The following CFAP299 variants were observed in gnomAD, a reference collection of about 807,000 sequenced individuals.
CFAP299 encodes cilia and flagella associated protein 299, also known as cilia- and flagella-associated protein 299.
A neutral mutation model predicts 27.0 loss-of-function variants in CFAP299; 21 were observed. That is an observed-to-expected ratio of 0.78 (90% CI 0.55 to 1.12). CFAP299 has a LOEUF of 1.12. Among genes scored for constraint, CFAP299 ranks in the 50% most tolerant of loss-of-function variants. The pLI is 0.00. For missense variants in CFAP299, 310 were observed against 276.6 expected (o/e 1.12, Z -0.86); for synonymous variants, 104 against 98.1 (o/e 1.06, Z -0.36).
chr4:80,633,076 A>G (rs767096409), intron 3 of CFAP299, among the ~76,000 whole-genome samples: 4 of 152,210 alleles, frequency 2.6e-5, no homozygotes, highest in Non-Finnish European at 5.9e-5. Flanking sequence ...TTAAATTTCT[A>G]TCTTATCACC....
intron 5 of CFAP299, among the ~76,000 whole-genome samples, chr4:80,956,305 T>C (rs537017456): frequency 6.6e-6 from 1 of 152,314 alleles, no homozygotes; most frequent in Admixed American, 6.5e-5. Flanking sequence ...CATGCCCTAT[T>C]TATTTTGCAT....
rs577187585 is a variant in CFAP299, at chr4:80,413,306, G to A, written c.242+50422G>A. 4.6e-4 allele frequency among the ~76,000 whole-genome samples: 70 copies of A among 152,356 alleles called. 1 individual carries two copies. Among genetic ancestry groups the A allele is most frequent in the African/African-American group, 1.6e-3 (68 of 41,586 alleles). ...GCCTTACCCTTAGGTGATTGTGAAA[G>A]CAGCAGGCATCCCAGAGAGGGATAA... On this transcript the variant is annotated intron_variant, in intron 2 of 5. Coordinates refer to ENST00000358105, the MANE Select transcript of CFAP299 (RefSeq NM_152770.3).
intron 3 of CFAP299, among the ~76,000 whole-genome samples, chr4:80,714,030 T>C (rs950943084): frequency 6.6e-6 from 1 of 152,156 alleles, no homozygotes; most frequent in African/African-American, 2.4e-5. Context: ...TATATATATG[T>C]ATAGCTTCAG....
chr4:80,630,038 G>A (rs1013845777), intron 3 of CFAP299, among the ~76,000 whole-genome samples: 1 of 151,918 alleles, frequency 6.6e-6, no homozygotes, highest in South Asian at 2.1e-4. Context: ...GAGAAAATTC[G>A]TGAACTGATC....
At chr4:80,501,694 T>C (rs1359872115) in intron 2 of CFAP299, among the ~76,000 whole-genome samples, 1 of 151,576 alleles carries the variant, frequency 6.6e-6, no homozygotes, top group Non-Finnish European at 1.5e-5. Context: ...TCTCAACATT[T>C]GTAAACACAG....
chr4:80,441,986 C>A (rs371320720), intron 2 of CFAP299, among the ~76,000 whole-genome samples: 10 of 152,238 alleles, frequency 6.6e-5, no homozygotes, highest in East Asian at 5.8e-4. Flanking sequence ...GTAAAGGGAT[C>A]AATGCAACAA....
chr4:80,821,586 C>T lies in CFAP299; in HGVS notation c.334-48407C>T, dbSNP rs1729709366. Among the ~76,000 whole-genome samples, 6 of 152,120 alleles carry T rather than the reference C, an allele frequency of 3.9e-5. No homozygotes were observed. The South Asian group carries it at 1.2e-3, about 32-fold the overall frequency. On this transcript the variant is annotated intron_variant, in intron 3 of 5. Transcript: ENST00000358105. ...ACAGCCTCTCCATGTGAAGTCTTGT[C>T]CAAGTCAAACAAGTAGCAATTTTAA...
chr4:80,381,136 T>C (rs963649698), intron 2 of CFAP299, among the ~76,000 whole-genome samples: 4 of 152,212 alleles, frequency 2.6e-5, no homozygotes, highest in African/African-American at 9.6e-5. Context: ...CCATATCTAC[T>C]TCTTATTGTT....
At chr4:80,686,142 T>A (rs1371006410) in intron 3 of CFAP299, among the ~76,000 whole-genome samples, 1 of 151,706 alleles carries the variant, frequency 6.6e-6, no homozygotes, top group African/African-American at 2.4e-5. Flanking sequence ...AAAAAAAAAA[T>A]TAATGCTATT....
At chr4:80,549,053 T>C (rs564915435) in intron 2 of CFAP299, among the ~76,000 whole-genome samples, 1 of 152,178 alleles carries the variant, frequency 6.6e-6, no homozygotes, top group Non-Finnish European at 1.5e-5. Context: ...AGGAGAGTAG[T>C]GAGAGGAAGA....
At position 80,493,799 on chromosome 4, in the gene CFAP299, C is replaced by T. The variant is rs534556723; in HGVS notation, c.243-89294C>T. ...TTTTTTTTTTTTTGAGACGGAGTCT[C>T]GCTCTGTCGCCCAGGCCAGACTGCG... is the stretch of plus-strand genomic sequence containing the variant. On this transcript the variant is annotated intron_variant, in intron 2 of 5. Transcript: ENST00000358105. Among the ~76,000 whole-genome samples the T allele has an allele frequency of 7.5e-5, 8 of 106,598 alleles. No individual in the cohort carries two copies. In the East Asian group the frequency reaches 9.5e-4, roughly 13 times the overall value. The allele number at this position is 106,598 out of a possible 152,430, so 69.9% of individuals were successfully genotyped here. A position where few individuals can be genotyped will look rare whatever the true frequency, so the allele number is the denominator to read the frequency against.
At chr4:80,687,221 C>G (rs1319471651) in intron 3 of CFAP299, among the ~76,000 whole-genome samples, 1 of 152,146 alleles carries the variant, frequency 6.6e-6, no homozygotes, top group African/African-American at 2.4e-5. Context: ...ATGTGCTTCT[C>G]TCTTCTTTCT....
intron 2 of CFAP299, among the ~76,000 whole-genome samples, chr4:80,473,138 C>T (rs758621266): frequency 3.3e-5 from 5 of 152,032 alleles, no homozygotes; most frequent in Non-Finnish European, 7.4e-5. Flanking sequence ...AAGGGAAATT[C>T]AGAGTGCCCT....
At chr4:80,516,862 G>C (rs779327203) in intron 2 of CFAP299, among the ~76,000 whole-genome samples, 1 of 152,094 alleles carries the variant, frequency 6.6e-6, no homozygotes, top group Non-Finnish European at 1.5e-5. Context: ...TTAAGTGTAG[G>C]CTACTTATTT....
intron 4 of CFAP299, among the ~76,000 whole-genome samples, chr4:80,897,531 GA>G (rs1734666685): frequency 6.6e-6 from 1 of 152,150 alleles, no homozygotes; most frequent in African/African-American, 2.4e-5. Flanking sequence ...TGAAGAAACA[GA>G]TTCTAGGTTT....
At chr4:80,820,125 C>T (rs1159253376) in intron 3 of CFAP299, among the ~76,000 whole-genome samples, 1 of 152,224 alleles carries the variant, frequency 6.6e-6, no homozygotes, top group East Asian at 1.9e-4. Context: ...TATTGATATA[C>T]ATTTAAGAAA....
intron 4 of CFAP299, among the ~76,000 whole-genome samples, chr4:80,929,529 C>T (rs1466580819): frequency 6.6e-6 from 1 of 152,198 alleles, no homozygotes; most frequent in Non-Finnish European, 1.5e-5. Flanking sequence ...ATCTGCAACA[C>T]TGCTCAATAA....
At chr4:80,684,980 G>A (rs1720092086) in intron 3 of CFAP299, among the ~76,000 whole-genome samples, 1 of 151,828 alleles carries the variant, frequency 6.6e-6, no homozygotes, top group Non-Finnish European at 1.5e-5. Context: ...CATATAAACG[G>A]TACAATAATG....
chr4:80,911,431 G>A (rs559182002), intron 4 of CFAP299, among the ~76,000 whole-genome samples: 1 of 152,098 alleles, frequency 6.6e-6, no homozygotes, highest in East Asian at 1.9e-4. Context: ...AAAAGAACGA[G>A]CATCAAAATC....
Sources: gnomAD v4.1 joint callset for allele counts (sites outside exome capture counted in the v4.1 genomes callset) on GRCh38, gnomAD v4.1.1 for gene constraint, MANE v1.5 for transcripts, NCBI Gene and HGNC (gene_info 2026-07-23, HGNC 2026-07-21) for gene names.